The following MPV17 variants were observed in gnomAD, a reference collection of about 807,000 sequenced individuals.
MPV17 encodes mitochondrial inner membrane protein MPV17.
MPV17 carries 31 observed loss-of-function variants against 28.6 expected under a neutral mutation model. That is an observed-to-expected ratio of 1.08 (90% CI 0.81 to 1.46). MPV17 has a LOEUF of 1.46. Among genes scored for constraint, MPV17 ranks in the 40% most tolerant of loss-of-function variants. The probability of loss-of-function intolerance (pLI) is 0.00; values close to 1 mark genes in which losing one functional copy is unlikely to be tolerated. For missense variants in MPV17, 198 were observed against 216.2 expected, an observed-to-expected ratio of 0.92 and a Z score of 0.53; for synonymous variants, 87 against 85.3, an observed-to-expected ratio of 1.02 and a Z score of -0.11.
chr2:27,318,068 T>TC (rs2148221137), intron 2 of MPV17, among the ~76,000 whole-genome samples: 1 of 151,500 alleles, frequency 6.6e-6, no homozygotes, highest in African/African-American at 2.4e-5. Context: ...ATCTTTCTTT[T>TC]CTTTTTTTTT....
rs773752801 is a variant in MPV17, at chr2:27,317,206, C to T, written c.71-4097G>A. ...GGCAGGTATAGCTACTGGCATGGGGCCAGCAGTGCTGCCTTCCTCCCCAGA... is the reference window on the plus strand; with the variant it reads ...GGCAGGTATAGCTACTGGCATGGGGTCAGCAGTGCTGCCTTCCTCCCCAGA... On this transcript the variant is annotated intron_variant, in intron 2 of 7. Transcript: ENST00000380044. The surrounding 1 kb of genome is among the most constrained non-coding windows in gnomAD (Gnocchi z 4.0). The T allele has an allele frequency of 5.2e-6, 8 of 1,549,618 alleles. 1 individual carries two copies. In the South Asian group the frequency reaches 9.5e-5, roughly 18 times the overall value.
chr2:27,320,717 T>C (rs1679827104), intron 2 of MPV17, among the ~76,000 whole-genome samples: 1 of 152,188 alleles, frequency 6.6e-6, no homozygotes, highest in African/African-American at 2.4e-5. Flanking sequence ...CTAGGTGCTA[T>C]GGTTTTAAGA....
chr2:27,318,362 G>A (rs955171775), intron 2 of MPV17, among the ~76,000 whole-genome samples: 14 of 147,456 alleles, frequency 9.5e-5, no homozygotes, highest in Non-Finnish European at 1.5e-4. Context: ...CACTGCGCCC[G>A]GCCTTTTTTT....
In MPV17 at chr2:27,309,767, G is replaced by T; in HGVS notation, c.*145C>A. On this transcript the variant is annotated 3_prime_UTR_variant, in exon 8 of 8. Transcript: ENST00000380044. ...TCAGTGTACATTTTAGAGTGAAGAG[G>T]GGCATTGCAGGGTGCTAGTCCTCTT... The T allele has an allele frequency of 1.4e-6, 1 of 712,924 alleles. No homozygotes were observed. The highest frequency in any genetic ancestry group is 2.6e-6 in the Non-Finnish European group (1 of 383,128). The allele number at this position is 712,924 out of a possible 1,614,324, so 44.2% of individuals were successfully genotyped here.
intron 2 of MPV17, 90 bp from the exon 3 acceptor site, chr2:27,313,199 GCTCTGGTA>G: frequency 6.3e-7 from 1 of 1,599,598 alleles, no homozygotes. Flanking sequence ...CTCCACTGAG[GCTCTGGTA>G]CTCTGAACCC....
chr2:27,316,850 CGA>C, intron 2 of MPV17: 1 of 453,590 alleles, frequency 2.2e-6, no homozygotes, highest in East Asian at 3.8e-5. Context: ...TGGAGCCCAG[CGA>C]GCAGATGCTG....
chr2:27,312,832 A>C (rs1679505479), intron 3 of MPV17, 60 bp from the exon 4 acceptor site: 1 of 1,571,988 alleles, frequency 6.4e-7, no homozygotes. Context: ...CCTCTACCTC[A>C]CTAAGCTCCC....
At chr2:27,318,807 C>T (rs1334829017) in intron 2 of MPV17, among the ~76,000 whole-genome samples, 1 of 152,092 alleles carries the variant, frequency 6.6e-6, no homozygotes, top group East Asian at 1.9e-4. Flanking sequence ...CTCTGTCGCC[C>T]AGGCTGGAGT....
rs1462451373 is a variant in MPV17, at chr2:27,312,143, A to AC, written c.408+70dup. Reference sequence around the variant, plus strand: ...CGGAAGGGTTTCCCATGTCAGGAGGACCCCCCAATCCCAGGACAGTTCTAG... The same window carrying AC: ...CGGAAGGGTTTCCCATGTCAGGAGGACCCCCCCAATCCCAGGACAGTTCTAG... On this transcript the variant is annotated intron_variant, in intron 6 of 7. Coordinates refer to ENST00000380044, the MANE Select transcript of MPV17 (RefSeq NM_002437.5). The AC allele has an allele frequency of 5.8e-6, 9 of 1,548,052 alleles. No homozygotes were observed. In the South Asian group the frequency reaches 6.7e-5, roughly 11 times the overall value.
rs574171522 is a variant in MPV17 at position 27,315,462 on chromosome 2, G to A, written c.71-2353C>T. ...CAAATGAAGGGACCAACAGTGTAAC[G>A]GTCTACTTTGGTAAGGTGTTTACAA... On this transcript the variant is annotated intron_variant, in intron 2 of 7. Coordinates refer to ENST00000380044, the MANE Select transcript of MPV17 (RefSeq NM_002437.5). Among the ~76,000 whole-genome samples, 367 of 152,220 alleles carry A rather than the reference G, an allele frequency of 2.4e-3. 2 individuals carry two copies. The highest frequency in any genetic ancestry group is 8.7e-3 in the African/African-American group (360 of 41,526).
In MPV17 at chr2:27,309,778, G is replaced by A; in HGVS notation, c.*134C>T. ...TTTAGAGTGAAGAGGGGCATTGCAG[G>A]GTGCTAGTCCTCTTAAGCTCTGACC... On this transcript the variant is annotated 3_prime_UTR_variant, in exon 8 of 8. Transcript: ENST00000380044. 1 of 725,638 alleles carries A rather than the reference G, an allele frequency of 1.4e-6. No individual in the cohort carries two copies. Among genetic ancestry groups the A allele is most frequent in the Non-Finnish European group, 2.5e-6 (1 of 392,522 alleles). 44.9% of individuals were successfully genotyped at this position (725,638 alleles called of 1,614,324 possible).
chr2:27,320,900 G>A (rs1679832509), intron 2 of MPV17, among the ~76,000 whole-genome samples: 1 of 152,194 alleles, frequency 6.6e-6, no homozygotes. Context: ...AGCAGGAAAG[G>A]AAAAGTCTGG....
intron 2 of MPV17, among the ~76,000 whole-genome samples, chr2:27,313,571 C>T (rs1340606771): frequency 6.6e-6 from 1 of 152,240 alleles, no homozygotes; most frequent in African/African-American, 2.4e-5. Flanking sequence ...TTCCTAGACA[C>T]TGTTCTTTCC....
In MPV17 at chr2:27,317,084, G is replaced by A; in HGVS notation, c.71-3975C>T. 2 of 1,547,988 alleles carry A rather than the reference G, an allele frequency of 1.3e-6. No individual in the cohort carries two copies. The highest frequency in any genetic ancestry group is 1.2e-5 in the South Asian group (1 of 83,766). On this transcript the variant is annotated intron_variant, in intron 2 of 7. Coordinates refer to ENST00000380044, the MANE Select transcript of MPV17 (RefSeq NM_002437.5). This position sits in a 1 kb window ranked among gnomAD's most constrained non-coding sequence, Gnocchi z 4.0. ...ATTTTGTTCCTCTACTTACTTTTGT[G>A]GCTTTTGAGTTTCATGCGCAGAAGG...
intron 2 of MPV17, 82 bp downstream of exon 2, chr2:27,322,366 G>A: frequency 8.8e-7 from 1 of 1,131,166 alleles, no homozygotes. Flanking sequence ...GAAACAGGAA[G>A]TGAGGGTGGT....
chr2:27,313,194 C>A lies in MPV17; in HGVS notation c.71-85G>T, dbSNP rs905123480. 5 of 1,602,680 alleles carry A rather than the reference C, an allele frequency of 3.1e-6. No homozygotes were observed. The Admixed American group carries it at 8.6e-5, about 28-fold the overall frequency. On this transcript the variant is annotated intron_variant, in intron 2 of 7. Coordinates refer to ENST00000380044, the MANE Select transcript of MPV17 (RefSeq NM_002437.5). ...AGGGAGGGACATCTGCTGACCTCCA[C>A]TGAGGCTCTGGTACTCTGAACCCCA...
At chr2:27,322,192 G>T in intron 2 of MPV17, 1 of 574,654 alleles carries the variant, frequency 1.7e-6, no homozygotes, top group Non-Finnish European at 3.1e-6. Flanking sequence ...TTATCCTTCA[G>T]GGCTGACTGT....
At chr2:27,311,570 C>T (rs1471960200) in intron 7 of MPV17, 1 of 1,549,894 alleles carries the variant, frequency 6.5e-7, no homozygotes, top group Non-Finnish European at 8.7e-7. Flanking sequence ...TGGTCTACCT[C>T]TCTGTCTAAC....
At chr2:27,315,970 A>G (rs1376410729) in intron 2 of MPV17, 1 of 1,493,424 alleles carries the variant, frequency 6.7e-7, no homozygotes, top group East Asian at 2.5e-5. Context: ...AGGCCAGGGT[A>G]TTCCTGGCAT....
Sources: allele counts gnomAD v4.1 joint callset (sites outside exome capture counted in the v4.1 genomes callset), GRCh38; gene constraint gnomAD v4.1.1; non-coding constraint Gnocchi (gnomAD v3.1); transcripts MANE v1.5; gene names NCBI Gene and HGNC (gene_info 2026-07-23, HGNC 2026-07-21).